The following KATNB1 variants were observed in gnomAD, a reference collection of about 807,000 sequenced individuals.
KATNB1 encodes katanin p80 WD40 repeat-containing subunit B1.
Under a neutral mutation model 82.3 loss-of-function variants are expected in KATNB1, and 38 were observed. The observed-to-expected ratio is 0.46, with a 90% CI of 0.36 to 0.61. The LOEUF (loss-of-function observed/expected upper bound fraction) is 0.61. KATNB1 is among the 20% of genes least tolerant of loss of function. KATNB1 has a pLI of 0.00. For synonymous variants in KATNB1, 361 were observed against 368.7 expected (o/e 0.98, Z 0.24); for missense variants, 749 against 915.7 (o/e 0.82, Z 2.35).
At chr16:57,739,875 T>C (rs2049129566) in intron 2 of KATNB1, among the ~76,000 whole-genome samples, 1 of 152,124 alleles carries the variant, frequency 6.6e-6, no homozygotes, top group South Asian at 2.1e-4. Flanking sequence ...TGAATGCCCC[T>C]GACTCCAGGG....
In KATNB1 at chr16:57,741,742, C is replaced by G. The variant is rs782642444; in HGVS notation, c.96C>G (p.Ser32=). 1 of 1,614,046 alleles carries G rather than the reference C, an allele frequency of 6.2e-7. No individual in the cohort carries two copies. The highest frequency in any genetic ancestry group is 1.3e-5 in the African/African-American group (1 of 74,936). Residue 32 remains serine (S), a synonymous_variant, in exon 3 of 20, where the codon TCC becomes TCG. Coordinates refer to ENST00000379661, the MANE Select transcript of KATNB1 (RefSeq NM_005886.3). ...CCTCACTGGTGCTGGGCAAAGCCTC[C>G]GGGCGGCTGCTGGCTACAGGCGGGG... ...NVSSLVLGKA[S]GRLLATGGDD... is the part of the protein sequence containing the mutation.
Position 57,751,220 on chromosome 16 carries a change from C to T in KATNB1, c.391-41C>T, listed in dbSNP as rs1353746069. ...CACCTTCCTCCAGTCGTGGCTCTGA[C>T]CTCTCCTGACTCTGCCCCTCTGCTT... is the stretch of plus-strand genomic sequence containing the variant. On this transcript the variant is annotated intron_variant, in intron 5 of 19. Coordinates refer to ENST00000379661, the MANE Select transcript of KATNB1 (RefSeq NM_005886.3). This position sits in a 1 kb window ranked among gnomAD's most constrained non-coding sequence, Gnocchi z 6.3. The T allele has an allele frequency of 3.7e-6, 6 of 1,602,588 alleles. No homozygotes were observed. The highest frequency in any genetic ancestry group is 1.3e-5 in the African/African-American group (1 of 74,728).
Position 57,741,933 on chromosome 16 carries a change from T to C in KATNB1, c.171+116T>C. 6 of 1,236,012 alleles carry C rather than the reference T, an allele frequency of 4.9e-6. No individual in the cohort carries two copies. The South Asian group carries it at 6.6e-5, about 14-fold the overall frequency. 76.6% of individuals were successfully genotyped at this position (1,236,012 alleles called of 1,614,324 possible). A position where few individuals can be genotyped will look rare whatever the true frequency, so the allele number is the denominator to read the frequency against. On this transcript the variant is annotated intron_variant, in intron 3 of 19. Transcript: ENST00000379661. ...AGACTCTCTTGAGCCCAGGGCCCCCTATCCGCTGGGGCCCAGCTCAGGGGT... is the reference window on the plus strand; with the variant it reads ...AGACTCTCTTGAGCCCAGGGCCCCCCATCCGCTGGGGCCCAGCTCAGGGGT...
intron 1 of KATNB1, chr16:57,736,690 GTCT>G (rs1196220619): frequency 3.9e-6 from 1 of 253,764 alleles, no homozygotes; most frequent in Non-Finnish European, 8.0e-6. Flanking sequence ...CAGACACGTG[GTCT>G]TCTCCGCCCC....
chr16:57,755,711 G>A (rs555908671), intron 16 of KATNB1, 130 bp from the exon 17 acceptor site: 94 of 989,226 alleles, frequency 9.5e-5, no homozygotes, highest in Middle Eastern at 5.7e-4. Flanking sequence ...CACTCATTGC[G>A]TTAGGTGCAG....
intron 2 of KATNB1, among the ~76,000 whole-genome samples, chr16:57,741,133 A>T (rs2148788944): frequency 1.3e-5 from 2 of 152,316 alleles, no homozygotes; most frequent in South Asian, 4.1e-4. Flanking sequence ...AGCCCTGTGC[A>T]GGCTTACCTG....
chr16:57,747,271 C>T (rs782484952), intron 4 of KATNB1, among the ~76,000 whole-genome samples: 19 of 152,324 alleles, frequency 1.2e-4, no homozygotes, highest in South Asian at 1.2e-3. Context: ...GAAGCAGCAA[C>T]GTGGATTTTG....
intron 4 of KATNB1, among the ~76,000 whole-genome samples, chr16:57,748,802 G>A (rs938835447): frequency 2.8e-4 from 43 of 152,360 alleles, no homozygotes; most frequent in Admixed American, 1.6e-3. Flanking sequence ...CAGGAGGGCG[G>A]CCGGTGCTTC....
chr16:57,754,047 C>T (rs1226386727), intron 13 of KATNB1, 52 bp downstream of exon 13: 2 of 1,470,526 alleles, frequency 1.4e-6, no homozygotes, highest in African/African-American at 1.4e-5. Context: ...CCCCGTCCCT[C>T]ATCTTCTCTT....
intron 12 of KATNB1, 60 bp from the exon 13 acceptor site, chr16:57,753,885 C>T (rs1597830508): frequency 6.5e-7 from 1 of 1,547,586 alleles, no homozygotes; most frequent in Non-Finnish European, 8.9e-7. Flanking sequence ...TGGACAGGGC[C>T]CTGGGTCCCA....
chr16:57,741,834 G>C lies in KATNB1; in HGVS notation c.171+17G>C. On this transcript the variant is annotated intron_variant, in intron 3 of 19. Transcript: ENST00000379661. ...TGCATCATGGTGAGCCCCGACAGCT[G>C]GCGGGGGGTCAGGACAAGGGCCTGG... The C allele has an allele frequency of 6.2e-7, 1 of 1,610,370 alleles. No individual in the cohort carries two copies.
intron 4 of KATNB1, among the ~76,000 whole-genome samples, chr16:57,750,308 G>A (rs1433064720): frequency 6.6e-6 from 1 of 152,168 alleles, no homozygotes; most frequent in Non-Finnish European, 1.5e-5. Context: ...GTAACATAGG[G>A]CTGTCACCTC....
chr16:57,739,213 G>T (rs1352798338), intron 2 of KATNB1, among the ~76,000 whole-genome samples: 1 of 152,226 alleles, frequency 6.6e-6, no homozygotes, highest in Non-Finnish European at 1.5e-5. Context: ...GAGATCAGGC[G>T]TATTGGGCAT....
In KATNB1 at chr16:57,751,500, A is replaced by C; in HGVS notation, c.433-141A>C. ...GGCTCTGCATGAATCCCCTAGAGCC[A>C]CGTTCATCAAACTGCTCCAAGCAGA... On this transcript the variant is annotated intron_variant, in intron 6 of 19. Coordinates refer to ENST00000379661, the MANE Select transcript of KATNB1 (RefSeq NM_005886.3). This position sits in a 1 kb window ranked among gnomAD's most constrained non-coding sequence, Gnocchi z 6.3. 1 of 944,576 alleles carries C rather than the reference A, an allele frequency of 1.1e-6. No homozygotes were observed. The highest frequency in any genetic ancestry group is 2.5e-5 in the East Asian group (1 of 40,408). 58.5% of individuals were successfully genotyped at this position (944,576 alleles called of 1,614,324 possible).
At position 57,750,942 on chromosome 16, in the gene KATNB1, C is replaced by A; in HGVS notation, c.390+15C>A. On this transcript the variant is annotated intron_variant, in intron 5 of 19. Transcript: ENST00000379661. ...CAAACATCAAGGTGAGAGGCCGGTC[C>A]GTGCCCCGTGTCTCCTGCTGGGCCT... 1 of 1,600,390 alleles carries A rather than the reference C, an allele frequency of 6.2e-7. No homozygotes were observed. Among genetic ancestry groups the A allele is most frequent in the Non-Finnish European group, 8.6e-7 (1 of 1,167,682 alleles).
intron 4 of KATNB1, among the ~76,000 whole-genome samples, chr16:57,748,578 A>C (rs1266026782): frequency 6.6e-6 from 1 of 151,636 alleles, no homozygotes; most frequent in Non-Finnish European, 1.5e-5. Flanking sequence ...CTCAGCTGGG[A>C]GGCGTTGGGG....
At chr16:57,742,405 GT>G (rs1276431567) in intron 3 of KATNB1, among the ~76,000 whole-genome samples, 1 of 152,216 alleles carries the variant, frequency 6.6e-6, no homozygotes, top group Non-Finnish European at 1.5e-5. Context: ...ATATAGTTCC[GT>G]TATCCAAAGG....
In KATNB1 at chr16:57,744,487, G is replaced by A; in HGVS notation, c.265G>A (p.Val89Ile). Residue 89 changes from valine to isoleucine, a missense_variant, in exon 4 of 20, where the codon GTC becomes ATC. Transcript: ENST00000379661. ...VAGSQSGSIR[V>I]WDLEAAKILR... ...CGGCTCTCAGTCGGGCTCCATCCGT[G>A]TCTGGGACCTGGAAGCTGCCAAAAG... 1.2e-6 allele frequency: 2 copies of A among 1,614,070 alleles called. No individual in the cohort carries two copies. The highest frequency in any genetic ancestry group is 2.2e-5 in the East Asian group (1 of 44,888).
In KATNB1 at chr16:57,753,989, G is replaced by C; in HGVS notation, c.1222G>C (p.Glu408Gln). The C allele has an allele frequency of 6.2e-7, 1 of 1,613,632 alleles. No homozygotes were observed. Among genetic ancestry groups the C allele is most frequent in the South Asian group, 1.1e-5 (1 of 91,042 alleles). ...RRSEPFPAPP[E>Q]DDAATAKEAA... ...AAGTGAGCCCTTCCCTGCACCCCCA[G>C]AGGACGGTGAGTTGGGTGAGCCTGG... Residue 408 changes from glutamate to glutamine, a missense_variant, in exon 13 of 20, where the codon GAG (glutamate) becomes CAG (glutamine). By Grantham distance (29) the Glu-to-Gln change is conservative (BLOSUM62 2). Coordinates refer to ENST00000379661, the MANE Select transcript of KATNB1 (RefSeq NM_005886.3).
Sources: allele counts gnomAD v4.1 joint callset (sites outside exome capture counted in the v4.1 genomes callset), GRCh38; gene constraint gnomAD v4.1.1; non-coding constraint Gnocchi (gnomAD v3.1); transcripts MANE v1.5; gene names NCBI Gene and HGNC (gene_info 2026-07-23, HGNC 2026-07-21).